SYNE2: variants seen among roughly 807,000 people sequenced by gnomAD.
SYNE2 encodes the protein nesprin-2.
Under a neutral mutation model 856.3 loss-of-function variants are expected in SYNE2, and 431 were observed. The observed-to-expected ratio is 0.50, with a 90% CI of 0.47 to 0.55. The LOEUF (loss-of-function observed/expected upper bound fraction) is 0.55, where lower values mean the gene tolerates loss of function less well. Among genes scored for constraint, SYNE2 ranks in the 20% least tolerant of loss-of-function variants. The probability of loss-of-function intolerance (pLI) is 0.00; values close to 1 mark genes in which losing one functional copy is unlikely to be tolerated. For synonymous variants in SYNE2, 2,923 were observed against 2,872.3 expected (o/e 1.02, Z -0.56); for missense variants, 8,129 against 8,023.2 (o/e 1.01, Z -0.50).
chr14:63,825,444 T>A (rs1352412490), intron 1 of SYNE2, among the ~76,000 whole-genome samples: 1 of 152,080 alleles, frequency 6.6e-6, no homozygotes, highest in Non-Finnish European at 1.5e-5. Flanking sequence ...TATTTCTATA[T>A]ACTGTCAATG....
chr14:64,174,099 C>A, intron 94 of SYNE2: 1 of 439,468 alleles, frequency 2.3e-6, no homozygotes, highest in Admixed American at 4.2e-5. Context: ...TGAGACAAAG[C>A]GTCACTCTGT....
At chr14:64,103,987 C>T (rs898638502) in intron 64 of SYNE2, among the ~76,000 whole-genome samples, 1 of 152,230 alleles carries the variant, frequency 6.6e-6, no homozygotes, top group Admixed American at 6.5e-5. Flanking sequence ...TTTATGAATA[C>T]ACCTGATACG....
chr14:63,987,123 C>G (rs940186155), intron 19 of SYNE2, among the ~76,000 whole-genome samples: 2 of 152,048 alleles, frequency 1.3e-5, no homozygotes, highest in Non-Finnish European at 2.9e-5. Context: ...CGTGGTGGCG[C>G]GCACGCCTGT....
At chr14:63,763,026 G>A (rs371691441) in intron 1 of SYNE2, among the ~76,000 whole-genome samples, 24 of 152,042 alleles carry the variant, frequency 1.6e-4, no homozygotes, top group Non-Finnish European at 3.1e-4. Flanking sequence ...GTAGTGCTAC[G>A]GCACAATCTT....
Position 64,049,667 on chromosome 14 carries a change from A to G in SYNE2, c.7434A>G (p.Thr2478=). ...CAGCCATTAAGCCACTGGAACAAAC[A>G]GAATGTCTTAACAAAACAGAAACTG... ...KKAAIKPLEQ[T]ECLNKTETGA... Residue 2478 remains threonine, a synonymous_variant, in exon 47 of 116, where the codon ACA becomes ACG. Coordinates refer to ENST00000555002, the MANE Select transcript of SYNE2 (RefSeq NM_182914.3). 6.2e-7 allele frequency: 1 copy of G among 1,614,160 alleles called. No homozygotes were observed. Among genetic ancestry groups the G allele is most frequent in the Non-Finnish European group, 8.5e-7 (1 of 1,180,026 alleles).
chr14:64,052,929 G>T lies in SYNE2; in HGVS notation c.9016G>T (p.Asp3006Tyr). Residue 3006 changes from aspartate (D) to tyrosine (Y), a missense_variant, in exon 48 of 116, where the codon GAC becomes TAC. Physicochemically the swap from Asp to Tyr is radical, Grantham distance 160. Coordinates refer to ENST00000555002, the MANE Select transcript of SYNE2 (RefSeq NM_182914.3). ...LQVLKLKKVFDYIGLNWDFSQ... is the reference protein window; with the variant it reads ...LQVLKLKKVFYYIGLNWDFSQ... ...GGTATTGAAACTTAAAAAAGTGTTT[G>T]ACTATATTGGACTAAACTGGGATTT... The T allele has an allele frequency of 6.2e-7, 1 of 1,611,920 alleles. No homozygotes were observed. Among genetic ancestry groups the T allele is most frequent in the South Asian group, 1.1e-5 (1 of 90,116 alleles).
At chr14:63,861,084 G>A (rs996572962) in intron 1 of SYNE2, among the ~76,000 whole-genome samples, 11 of 151,654 alleles carry the variant, frequency 7.3e-5, no homozygotes, top group Non-Finnish European at 1.6e-4. Flanking sequence ...CAATCTTTGA[G>A]ATTTTTTCCA....
chr14:63,933,526 C>A (rs1179224240), intron 2 of SYNE2, among the ~76,000 whole-genome samples: 2 of 152,130 alleles, frequency 1.3e-5, no homozygotes, highest in African/African-American at 4.8e-5. Flanking sequence ...AGAGAAAAAT[C>A]TTTGCCTTCT....
intron 96 of SYNE2, 110 bp from the exon 97 acceptor site, chr14:64,186,314 C>T (rs2098490425): frequency 1.4e-6 from 2 of 1,439,598 alleles, no homozygotes; most frequent in Non-Finnish European, 2.0e-6. Context: ...CCCTCCCTCT[C>T]TCCTGGCCTC....
At chr14:64,167,168 G>C in intron 90 of SYNE2, 65 bp from the exon 91 acceptor site, 3 of 1,606,208 alleles carry the variant, frequency 1.9e-6, no homozygotes, top group Non-Finnish European at 2.6e-6. Context: ...AGGTAAGGAG[G>C]GTTTTTTGTC....
intron 6 of SYNE2, among the ~76,000 whole-genome samples, chr14:63,944,304 ATAT>A (rs1489571994): frequency 6.4e-4 from 94 of 147,782 alleles, no homozygotes; most frequent in African/African-American, 1.9e-3. Context: ...ATATATATAT[ATAT>A]AAATAAATAA....
At chr14:63,885,660 G>A (rs2094966393) in intron 1 of SYNE2, among the ~76,000 whole-genome samples, 1 of 152,086 alleles carries the variant, frequency 6.6e-6, no homozygotes, top group Admixed American at 6.5e-5. Context: ...GGACTGCAGT[G>A]GCGTGATCAT....
At chr14:64,135,773 T>TA (rs1172327108) in intron 78 of SYNE2, among the ~76,000 whole-genome samples, 1 of 152,208 alleles carries the variant, frequency 6.6e-6, no homozygotes, top group African/African-American at 2.4e-5. Context: ...AAAGAAGACA[T>TA]ATCCTGTAAA....
chr14:64,195,851 T>G (rs1227830464), intron 99 of SYNE2, among the ~76,000 whole-genome samples: 1 of 152,128 alleles, frequency 6.6e-6, no homozygotes, highest in Non-Finnish European at 1.5e-5. Flanking sequence ...CTGGAAGGAT[T>G]TAGGGATTAT....
At chr14:64,195,586 T>C (rs1567611269) in intron 99 of SYNE2, among the ~76,000 whole-genome samples, 1 of 152,222 alleles carries the variant, frequency 6.6e-6, no homozygotes, top group Non-Finnish European at 1.5e-5. Flanking sequence ...CCTGAAAAGC[T>C]CACCTACTTT....
At chr14:63,783,004 CAT>C (rs920372507) in intron 1 of SYNE2, among the ~76,000 whole-genome samples, 109 of 152,178 alleles carry the variant, frequency 7.2e-4, no homozygotes, top group African/African-American at 2.5e-3. Context: ...GACAATCTGA[CAT>C]ATGTCTCCTG....
Position 64,087,778 on chromosome 14 carries a change from A to T in SYNE2, c.11592A>T (p.Ile3864=). 1 of 1,614,158 alleles carries T rather than the reference A, an allele frequency of 6.2e-7. No individual in the cohort carries two copies. Among genetic ancestry groups the T allele is most frequent in the Non-Finnish European group, 8.5e-7 (1 of 1,179,976 alleles). ...AAACAGATGAATTAACCCAATCCAT[A>T]CAAGAGTTAAGTAATCAAGTAACAG... ...IFETDELTQS[I]QELSNQVTAL... Residue 3864 remains isoleucine, a synonymous_variant, in exon 58 of 116, where the codon ATA becomes ATT. Coordinates refer to ENST00000555002, the MANE Select transcript of SYNE2 (RefSeq NM_182914.3).
intron 94 of SYNE2, among the ~76,000 whole-genome samples, chr14:64,171,277 A>G (rs189982545): frequency 1.9e-4 from 29 of 152,246 alleles, no homozygotes; most frequent in Admixed American, 1.9e-3. Flanking sequence ...TACAGCCCTC[A>G]CTCATTATGC....
Position 63,812,896 on chromosome 14 carries a change from ATT to A in SYNE2, c.-304-39602_-304-39601del, listed in dbSNP as rs890862144. Among the ~76,000 whole-genome samples, 192 of 152,292 alleles carry A rather than the reference ATT, an allele frequency of 1.3e-3. 2 individuals carry two copies. The highest frequency in any genetic ancestry group is 4.4e-3 in the African/African-American group (182 of 41,574). On this transcript the variant is annotated intron_variant, in intron 1 of 23. Coordinates refer to the SYNE2 transcript ENST00000674003. Reference sequence around the variant, plus strand: ...ACATGTATCCTGGAACTTAATGTAAATTTTAAAAAAATTAAAAAAAGAAAAAC... The same window carrying A: ...ACATGTATCCTGGAACTTAATGTAAATTAAAAAAATTAAAAAAAGAAAAAC...
Sources: allele counts gnomAD v4.1 joint callset (sites outside exome capture counted in the v4.1 genomes callset), GRCh38; gene constraint gnomAD v4.1.1; transcripts MANE v1.5; gene names NCBI Gene and HGNC (gene_info 2026-07-23, HGNC 2026-07-21).